The following FGF13 variants were observed in gnomAD, a reference collection of about 807,000 sequenced individuals.
The protein encoded by FGF13 is fibroblast growth factor 13.
In FGF13, 2 loss-of-function variants were observed where a neutral mutation model predicts 19.5. That is an observed-to-expected ratio of 0.10 (90% CI 0.04 to 0.32). The LOEUF (loss-of-function observed/expected upper bound fraction) is 0.32. Ranked by LOEUF, FGF13 falls within the 10% of genes least tolerant of loss-of-function variation. The pLI is 1.00. For missense variants in FGF13, 113 were observed against 192.7 expected (o/e 0.59, Z 2.45); for synonymous variants, 72 against 76.9 (o/e 0.94, Z 0.33).
At chrX:138,892,000 A>ATGTGTGTGTG (rs200883636) in intron 1 of FGF13, among the ~76,000 whole-genome samples, 41 of 46,947 alleles carry the variant, frequency 8.7e-4, no homozygotes, top group African/African-American at 2.9e-3. Flanking sequence ...CTATATATAC[A>ATGTGTGTGTG]TATGTGTGTG....
intron 1 of FGF13, among the ~76,000 whole-genome samples, chrX:138,970,147 C>T (rs2091909712): frequency 9.0e-6 from 1 of 111,685 alleles, no homozygotes; most frequent in Non-Finnish European, 1.9e-5. Context: ...GGTAGGCTTA[C>T]TGATCAGAAG....
At chrX:138,956,207 C>T (rs1252013626) in intron 1 of FGF13, among the ~76,000 whole-genome samples, 1 of 110,846 alleles carries the variant, frequency 9.0e-6, no homozygotes, top group Non-Finnish European at 1.9e-5. Flanking sequence ...GGCACTTTGT[C>T]GAGGAAAAAG....
upstream of FGF13, among the ~76,000 whole-genome samples, chrX:138,742,811 T>G (rs1444422284): frequency 8.9e-6 from 1 of 112,038 alleles, no homozygotes; most frequent in Non-Finnish European, 1.9e-5. Context: ...AAAGCTCTTG[T>G]CTCCAGGCCC....
chrX:139,161,374 C>G (rs1265375898), intron 1 of FGF13, among the ~76,000 whole-genome samples: 1 of 111,523 alleles, frequency 9.0e-6, no homozygotes, highest in Non-Finnish European at 1.9e-5. Context: ...ATGACAAACC[C>G]ACAGTCAATA....
intron 3 of FGF13, among the ~76,000 whole-genome samples, chrX:138,662,361 T>C (rs1303374021): frequency 8.9e-6 from 1 of 112,097 alleles, no homozygotes; most frequent in African/African-American, 3.2e-5. Flanking sequence ...GATTAAACTG[T>C]CTTGGTAGAA....
At chrX:138,764,096 C>A (rs138473531) in intron 3 of FGF13, among the ~76,000 whole-genome samples, 1,652 of 111,522 alleles carry the variant, frequency 0.015, 18 homozygotes, top group African/African-American at 0.051. Flanking sequence ...AGACCCTGAG[C>A]TGAGAAGCCC....
intron 1 of FGF13, among the ~76,000 whole-genome samples, chrX:139,149,436 C>G (rs977243238): frequency 8.9e-6 from 1 of 112,187 alleles, no homozygotes; most frequent in African/African-American, 3.2e-5. Context: ...AAAATTGGTA[C>G]TGTTCACACT....
chrX:138,963,607 C>A (rs1466500871), intron 1 of FGF13, among the ~76,000 whole-genome samples: 1 of 112,133 alleles, frequency 8.9e-6, no homozygotes, highest in Admixed American at 9.5e-5. Flanking sequence ...GAACATAAAC[C>A]AAACACAATC....
intron 1 of FGF13, among the ~76,000 whole-genome samples, chrX:138,868,617 G>C (rs755955282): frequency 8.8e-4 from 97 of 110,817 alleles, no homozygotes; most frequent in East Asian, 5.7e-4. Flanking sequence ...AATTTTTGGA[G>C]TATTAAAGCT....
intron 3 of FGF13, among the ~76,000 whole-genome samples, chrX:138,839,452 G>A (rs972234772): frequency 2.7e-5 from 3 of 111,602 alleles, no homozygotes; most frequent in Non-Finnish European, 5.6e-5. Context: ...GGCAAAGGGC[G>A]AGGTTATGGT....
chrX:139,184,635 CACACACAT>C (rs1190956786), intron 1 of FGF13, among the ~76,000 whole-genome samples: 2 of 111,432 alleles, frequency 1.8e-5, no homozygotes, highest in African/African-American at 3.3e-5. Flanking sequence ...TCCCTACACA[CACACACAT>C]ACACACATAC....
At chrX:139,065,828 G>T (rs2092354387) in intron 1 of FGF13, among the ~76,000 whole-genome samples, 1 of 111,273 alleles carries the variant, frequency 9.0e-6, no homozygotes, top group Non-Finnish European at 1.9e-5. Flanking sequence ...AGACCTAACA[G>T]ACATCTACAG....
Position 138,866,445 on chromosome X carries a change from G to A in FGF13, c.-112-1795C>T, listed in dbSNP as rs776627156. Among the ~76,000 whole-genome samples the A allele has an allele frequency of 1.2e-4, 14 of 112,452 alleles. No individual in the cohort carries two copies. In the East Asian group the frequency reaches 3.4e-3, roughly 27 times the overall value. On this transcript the variant is annotated intron_variant, in intron 1 of 2. Transcript: ENST00000421460. ...GTGCCAGGCCCCTTCATCAAGCCTG[G>A]AATTCAAATGGATTTTCTCCTCTCT...
chrX:138,936,858 C>T (rs749059313), intron 1 of FGF13, among the ~76,000 whole-genome samples: 9 of 111,689 alleles, frequency 8.1e-5, no homozygotes, highest in African/African-American at 2.3e-4. Flanking sequence ...GTGAGGGGAG[C>T]GGTCAGAATG....
At chrX:138,968,443 C>T (rs1421100527) in intron 1 of FGF13, among the ~76,000 whole-genome samples, 1 of 111,760 alleles carries the variant, frequency 8.9e-6, no homozygotes, top group Non-Finnish European at 1.9e-5. Context: ...CTTCTTCTCC[C>T]CATCCCTCTC....
intron 3 of FGF13, among the ~76,000 whole-genome samples, chrX:138,811,999 T>C (rs1488551753): frequency 9.1e-6 from 1 of 109,806 alleles, no homozygotes; most frequent in Non-Finnish European, 1.9e-5. Context: ...TTTGCAACCA[T>C]CACCACAATC....
At chrX:138,942,563 C>T (rs1180851874) in intron 1 of FGF13, among the ~76,000 whole-genome samples, 1 of 111,668 alleles carries the variant, frequency 9.0e-6, no homozygotes. Flanking sequence ...TCTCTCCTTC[C>T]CCACTTCCTT....
intron 1 of FGF13, among the ~76,000 whole-genome samples, chrX:138,912,315 A>G (rs1361203511): frequency 2.7e-5 from 3 of 111,121 alleles, no homozygotes; most frequent in Admixed American, 1.9e-4. Context: ...GGCATTCAGC[A>G]TGCTAAAAAA....
At chrX:139,098,577 T>C (rs987407377) in intron 1 of FGF13, among the ~76,000 whole-genome samples, 1 of 111,448 alleles carries the variant, frequency 9.0e-6, no homozygotes, top group African/African-American at 3.3e-5. Flanking sequence ...TCATGCCTGT[T>C]GTAGCAACAT....
Sources: allele counts gnomAD v4.1 joint callset (sites outside exome capture counted in the v4.1 genomes callset), GRCh38; gene constraint gnomAD v4.1.1; transcripts MANE v1.5; gene names NCBI Gene and HGNC (gene_info 2026-07-23, HGNC 2026-07-21).